The following FANCA variants were observed in gnomAD, a reference collection of about 807,000 sequenced individuals.
The protein encoded by FANCA is FA complementation group A, also known as Fanconi anemia group A protein.
FANCA carries 236 observed loss-of-function variants against 194.3 expected under a neutral mutation model. The observed-to-expected ratio is 1.21, with a 90% CI of 1.09 to 1.35. The LOEUF is 1.35. Among genes scored for constraint, FANCA ranks in the 40% most tolerant of loss-of-function variants. FANCA has a pLI of 0.00. For missense variants in FANCA, 2,628 were observed against 1,813.9 expected, an observed-to-expected ratio of 1.45 and a Z score of -8.15; for synonymous variants, 1,014 against 715.8, an observed-to-expected ratio of 1.42 and a Z score of -6.65.
At chr16:89,806,721 C>A (rs1227622372) in intron 6 of FANCA, among the ~76,000 whole-genome samples, 3 of 152,194 alleles carry the variant, frequency 2.0e-5, no homozygotes, top group Non-Finnish European at 4.4e-5. Flanking sequence ...TAGTACAGAA[C>A]AAAATGAAAA....
intron 31 of FANCA, among the ~76,000 whole-genome samples, chr16:89,750,867 A>G (rs562348403): frequency 6.6e-6 from 1 of 151,990 alleles, no homozygotes; most frequent in African/African-American, 2.4e-5. Flanking sequence ...TTTACCCCAC[A>G]CATCATTTTT....
At chr16:89,774,784 G>A (rs2039444773) in intron 21 of FANCA, among the ~76,000 whole-genome samples, 1 of 147,610 alleles carries the variant, frequency 6.8e-6, no homozygotes, top group Admixed American at 6.9e-5. Context: ...CCCTGCAGGT[G>A]GAAGGGGATC....
At chr16:89,806,228 T>C (rs890536557) in intron 6 of FANCA, among the ~76,000 whole-genome samples, 9 of 152,186 alleles carry the variant, frequency 5.9e-5, no homozygotes, top group Non-Finnish European at 1.3e-4. Flanking sequence ...CTGAACCTTA[T>C]GCTGTATCCT....
chr16:89,791,427 G>A lies in FANCA; in HGVS notation c.1335C>T (p.Phe445=). ...CCTTGAACCAGTCTGCATATGACAG[G>A]AACGCAGAGGGGCCCTCCAGTGCTG... The part of the protein sequence containing the change: ...RQAALEGPSA[F]LSYADWFKAS... The change falls in exon 14 of 43, where the codon TTC becomes TTT. Residue 445 remains phenylalanine (F), a synonymous_variant. Coordinates refer to ENST00000389301, the MANE Select transcript of FANCA (RefSeq NM_000135.4). 1 of 1,614,098 alleles carries A rather than the reference G, an allele frequency of 6.2e-7. No individual in the cohort carries two copies. Among genetic ancestry groups the A allele is most frequent in the South Asian group, 1.1e-5 (1 of 91,076 alleles).
intron 5 of FANCA, among the ~76,000 whole-genome samples, chr16:89,809,871 C>T (rs2040808463): frequency 6.7e-6 from 1 of 149,580 alleles, no homozygotes; most frequent in Non-Finnish European, 1.5e-5. Context: ...AAAAAAGATA[C>T]AAAAATTAAC....
intron 2 of FANCA, among the ~76,000 whole-genome samples, 164 bp downstream of exon 2, chr16:89,815,713 G>A (rs1455370023): frequency 2.6e-5 from 4 of 152,008 alleles, no homozygotes; most frequent in African/African-American, 9.7e-5. Context: ...TCACCCCGTT[G>A]CCCAGGTTGG....
chr16:89,795,022 C>A (rs17226103), intron 11 of FANCA, among the ~76,000 whole-genome samples: 1 of 152,160 alleles, frequency 6.6e-6, no homozygotes, highest in African/African-American at 2.4e-5. Context: ...CAGCGGCACA[C>A]GCCTGTAATC....
chr16:89,778,427 T>C (rs149400301), intron 20 of FANCA: 3,301 of 321,184 alleles, frequency 0.01, 115 homozygotes, highest in African/African-American at 0.078. Flanking sequence ...GATTGTGCAA[T>C]TGCACTCCAG....
At chr16:89,765,117 G>A (rs143680215) in intron 27 of FANCA, 51 bp from the exon 28 acceptor site, 6 of 1,600,028 alleles carry the variant, frequency 3.7e-6, no homozygotes, top group South Asian at 3.3e-5. Context: ...GTTTCACTGT[G>A]AGTGGCTGAG....
chr16:89,776,655 G>T (rs930472962), intron 20 of FANCA, among the ~76,000 whole-genome samples: 1 of 151,660 alleles, frequency 6.6e-6, no homozygotes, highest in Non-Finnish European at 1.5e-5. Flanking sequence ...GTGAAACCCT[G>T]TGTCTACTAA....
intron 3 of FANCA, among the ~76,000 whole-genome samples, chr16:89,813,590 A>C (rs1323030814): frequency 6.6e-6 from 1 of 151,456 alleles, no homozygotes; most frequent in Non-Finnish European, 1.5e-5. Flanking sequence ...CCACCACCAC[A>C]CCCGGCTAAT....
At chr16:89,786,181 G>T (rs1404791846) in intron 14 of FANCA, among the ~76,000 whole-genome samples, 3 of 147,268 alleles carry the variant, frequency 2.0e-5, no homozygotes, top group Non-Finnish European at 3.0e-5. Context: ...ACCAAGCCCG[G>T]TTTTTTTTTT....
intron 30 of FANCA, among the ~76,000 whole-genome samples, chr16:89,753,561 C>T (rs1000281835): frequency 2.0e-5 from 3 of 152,062 alleles, no homozygotes; most frequent in East Asian, 1.9e-4. Flanking sequence ...AAGCACTTGA[C>T]GAAATGTGAC....
At chr16:89,789,628 G>A (rs761726849) in intron 14 of FANCA, among the ~76,000 whole-genome samples, 14 of 151,714 alleles carry the variant, frequency 9.2e-5, no homozygotes, top group Non-Finnish European at 1.3e-4. Flanking sequence ...TGTAGAGACC[G>A]GGGTCTCACT....
In FANCA at chr16:89,748,739, GGACA is replaced by G. The variant is rs1035003476; in HGVS notation, c.3264_3267del (p.Val1089SerfsTer27). 2 of 1,613,980 alleles carry G rather than the reference GGACA, an allele frequency of 1.2e-6. No homozygotes were observed. Among genetic ancestry groups the G allele is most frequent in the African/African-American group, 1.3e-5 (1 of 74,940 alleles). On this transcript the variant is annotated frameshift_variant, in exon 33 of 43. Coordinates refer to ENST00000389301, the MANE Select transcript of FANCA (RefSeq NM_000135.4). LOFTEE classifies it high-confidence loss of function. ...TCTGCCTGGAAGCTGCTGCCGCAGA[GGACA>G]GACGAAGGCAGGCGGAGGAGGATCC... is the stretch of plus-strand genomic sequence containing the variant.
intron 10 of FANCA, 85 bp from the exon 11 acceptor site, chr16:89,796,103 G>T: frequency 9.7e-7 from 1 of 1,029,992 alleles, no homozygotes. Flanking sequence ...TGTGGCTCAG[G>T]CTCATCCCTT....
intron 11 of FANCA, among the ~76,000 whole-genome samples, chr16:89,794,729 C>T (rs912632666): frequency 2.6e-5 from 4 of 152,092 alleles, no homozygotes; most frequent in Non-Finnish European, 4.4e-5. Context: ...TGGGGATATG[C>T]TAGATACAGA....
chr16:89,774,831 T>C (rs12596415), intron 21 of FANCA, among the ~76,000 whole-genome samples: 78,567 of 149,872 alleles, frequency 0.52, 22,584 homozygotes, highest in East Asian at 0.98. Context: ...CGGTTGCTCA[T>C]GCCTGTAATC....
Position 89,749,865 on chromosome 16 carries a change from A to AAGGGG in FANCA, c.3103_3104insCCCCT (p.Ile1035ThrfsTer3). 1 of 1,614,208 alleles carries AAGGGG rather than the reference A, an allele frequency of 6.2e-7. No homozygotes were observed. On this transcript the variant is annotated frameshift_variant, in exon 32 of 43. Coordinates refer to ENST00000389301, the MANE Select transcript of FANCA (RefSeq NM_000135.4). LOFTEE classifies it high-confidence loss of function. ...GGAAGGGGTGTGGCCGAGAGGCACTATGAGGTCTTGCTGCAGCTCCAGGTC... is the reference window on the plus strand; with the variant it reads ...GGAAGGGGTGTGGCCGAGAGGCACTAAGGGGTGAGGTCTTGCTGCAGCTCCAGGTC...
Sources: gnomAD v4.1 joint callset for allele counts (sites outside exome capture counted in the v4.1 genomes callset) on GRCh38, gnomAD v4.1.1 for gene constraint, MANE v1.5 for transcripts, NCBI Gene and HGNC (gene_info 2026-07-23, HGNC 2026-07-21) for gene names.